KLK6: variants seen among roughly 807,000 people sequenced by gnomAD.
KLK6 encodes the protein kallikrein related peptidase 6, also known as kallikrein-6.
Under a neutral mutation model 21.7 loss-of-function variants are expected in KLK6, and 16 were observed. The observed-to-expected ratio is 0.74, with a 90% CI of 0.50 to 1.12. The LOEUF (loss-of-function observed/expected upper bound fraction) is 1.12. Among genes scored for constraint, KLK6 ranks in the 50% most tolerant of loss-of-function variants. KLK6 has a pLI of 0.00. For missense variants in KLK6, 276 were observed against 304.6 expected, an observed-to-expected ratio of 0.91 and a Z score of 0.70; for synonymous variants, 116 against 120.1, an observed-to-expected ratio of 0.97 and a Z score of 0.22.
In KLK6 at chr19:50,959,075, G is replaced by A; in HGVS notation, c.*89C>T. On this transcript the variant is annotated 3_prime_UTR_variant, in exon 7 of 7. Transcript: ENST00000310157. ...AAGCATCAGGGTCAGAGCTGGGCAGGAGAGGAGGGGAGGCAAGGTCTAGGT... is the reference window on the plus strand; with the variant it reads ...AAGCATCAGGGTCAGAGCTGGGCAGAAGAGGAGGGGAGGCAAGGTCTAGGT... 1 of 1,411,404 alleles carries A rather than the reference G, an allele frequency of 7.1e-7. No individual in the cohort carries two copies. Among genetic ancestry groups the A allele is most frequent in the East Asian group, 2.3e-5 (1 of 43,832 alleles). 87.4% of individuals were successfully genotyped at this position (1,411,404 alleles called of 1,614,324 possible).
Position 50,963,301 on chromosome 19 carries a change from C to T in KLK6, c.445+1G>A. On this transcript the variant is annotated splice_donor_variant, in intron 5 of 6. Transcript: ENST00000310157. LOFTEE classifies it high-confidence loss of function. ...CTCCCCACCAGCCTCCCACTACTGA[C>T]CATCTGCTGTCTTGCCCCAGCCCAG... 1 of 1,612,100 alleles carries T rather than the reference C, an allele frequency of 6.2e-7. No homozygotes were observed. Among genetic ancestry groups the T allele is most frequent in the Non-Finnish European group, 8.5e-7 (1 of 1,178,410 alleles).
chr19:50,964,504 G>A (rs2090895592), intron 4 of KLK6, among the ~76,000 whole-genome samples: 3 of 152,184 alleles, frequency 2.0e-5, no homozygotes, highest in African/African-American at 7.2e-5. Flanking sequence ...GGAACCACAA[G>A]CTACAGGTGG....
intron 2 of KLK6, 135 bp from the exon 3 acceptor site, chr19:50,968,247 T>G: frequency 1.3e-6 from 1 of 779,788 alleles, no homozygotes; most frequent in Non-Finnish European, 2.3e-6. Context: ...CCTTCCCATC[T>G]AGCCTCCTGA....
chr19:50,963,039 A>G (rs2090867196), intron 5 of KLK6, among the ~76,000 whole-genome samples: 1 of 151,694 alleles, frequency 6.6e-6, no homozygotes, highest in Non-Finnish European at 1.5e-5. Context: ...TTCCCTCTTT[A>G]TTGAACCTTC....
At chr19:50,963,662 G>C in intron 4 of KLK6, 113 bp from the exon 5 acceptor site, 3 of 1,277,806 alleles carry the variant, frequency 2.3e-6, no homozygotes, top group Non-Finnish European at 3.3e-6. Flanking sequence ...GTCTTCCCCA[G>C]CTGGGTAAAT....
chr19:50,960,280 C>G (rs2090821066), intron 6 of KLK6, among the ~76,000 whole-genome samples: 1 of 152,018 alleles, frequency 6.6e-6, no homozygotes, highest in Non-Finnish European at 1.5e-5. Flanking sequence ...CCTGCCCTTT[C>G]TTTGCGTCCA....
At chr19:50,966,276 G>A (rs1275431495) in intron 4 of KLK6, among the ~76,000 whole-genome samples, 4 of 152,200 alleles carry the variant, frequency 2.6e-5, no homozygotes, top group Admixed American at 2.6e-4. Flanking sequence ...ATACACGGAA[G>A]CCAGCCGTGC....
chr19:50,968,442 T>G (rs1263800803), intron 2 of KLK6, 99 bp downstream of exon 2: 3 of 397,352 alleles, frequency 7.5e-6, no homozygotes, highest in Non-Finnish European at 1.4e-5. Context: ...GGCCCTAGCG[T>G]TCTTCCTCTG....
Position 50,967,281 on chromosome 19 carries a change from C to A in KLK6, c.85G>T (p.Asp29Tyr). 1 of 1,613,802 alleles carries A rather than the reference C, an allele frequency of 6.2e-7. No homozygotes were observed. Among genetic ancestry groups the A allele is most frequent in the Non-Finnish European group, 8.5e-7 (1 of 1,179,868 alleles). The change falls in exon 4 of 7, where the codon GAC (aspartate) becomes TAC (tyrosine). Residue 29 changes from aspartate to tyrosine, a missense_variant. Asp to Tyr is a radical substitution (Grantham distance 160). Coordinates refer to ENST00000310157, the MANE Select transcript of KLK6 (RefSeq NM_002774.4). ...GCTTGGTAGGGGTGAGATGTCTTGT[C>A]GCAGGGTCCGCCATGCACCAACTTA... ...QNKLVHGGPC[D>Y]KTSHPYQAAL...
At chr19:50,962,120 C>T (rs905354639) in intron 5 of KLK6, 1 of 450,260 alleles carries the variant, frequency 2.2e-6, no homozygotes, top group African/African-American at 2.0e-5. Context: ...ATAGTCTCTT[C>T]TCCAGGAGTC....
intron 6 of KLK6, among the ~76,000 whole-genome samples, chr19:50,961,130 C>T (rs545729408): frequency 7.4e-5 from 1 of 13,522 alleles, no homozygotes. Flanking sequence ...GAACTCCTGA[C>T]CCCAGGTGAT....
At chr19:50,959,386 T>C in intron 6 of KLK6, 70 bp from the exon 7 acceptor site, 1 of 1,105,378 alleles carries the variant, frequency 9.0e-7, no homozygotes. Context: ...TGTGTGTGTG[T>C]GTGTGTGTGT....
At chr19:50,968,191 T>C in intron 2 of KLK6, 79 bp from the exon 3 acceptor site, 1 of 1,279,216 alleles carries the variant, frequency 7.8e-7, no homozygotes, top group Non-Finnish European at 1.1e-6. Context: ...CTCTGCATCC[T>C]CTCCTTCCTT....
chr19:50,963,260 A>G (rs1654537), intron 5 of KLK6, 42 bp downstream of exon 5: 545,930 of 1,585,262 alleles, frequency 0.34, 95,729 homozygotes, highest in Admixed American at 0.43. Flanking sequence ...CACTTCCCCA[A>G]GTAGCCAGTA....
Position 50,958,961 on chromosome 19 carries a change from C to A in KLK6, c.*203G>T, listed in dbSNP as rs1450759845. The stretch of plus-strand genomic sequence containing the variant: ...TGGGGGTAAGACCGAGGACCCAAGT[C>A]CTCACTCATCACGTCCTCCCCAGTG... On this transcript the variant is annotated 3_prime_UTR_variant, in exon 7 of 7. Coordinates refer to ENST00000310157, the MANE Select transcript of KLK6 (RefSeq NM_002774.4). The A allele has an allele frequency of 4.9e-6, 3 of 613,350 alleles. No homozygotes were observed. In the Admixed American group the frequency reaches 8.9e-5, roughly 18 times the overall value. 38.0% of individuals were successfully genotyped at this position (613,350 alleles called of 1,614,324 possible).
intron 5 of KLK6, among the ~76,000 whole-genome samples, chr19:50,962,969 A>C (rs1237473576): frequency 6.6e-6 from 1 of 151,968 alleles, no homozygotes; most frequent in Non-Finnish European, 1.5e-5. Context: ...TGTTCAATGA[A>C]TCCTGATCAG....
intron 4 of KLK6, among the ~76,000 whole-genome samples, chr19:50,965,669 A>T (rs1039615658): frequency 2.0e-5 from 3 of 152,186 alleles, no homozygotes; most frequent in African/African-American, 7.2e-5. Context: ...TCCACTGCCC[A>T]ACTCGAATGT....
Position 50,967,240 on chromosome 19 carries a change from C to G in KLK6, c.126G>C (p.Ser42=). The G allele has an allele frequency of 6.2e-7, 1 of 1,614,084 alleles. No homozygotes were observed. The highest frequency in any genetic ancestry group is 8.5e-7 in the Non-Finnish European group (1 of 1,179,990). ...SHPYQAALYT[S]GHLLCGGVLI... is the part of the protein sequence containing the mutation. ...GGACCCCACCACAGAGCAAGTGGCC[C>G]GAGGTGTAGAGGGCAGCTTGGTAGG... The change falls in exon 4 of 7, where the codon TCG becomes TCC. Residue 42 remains serine (S), a synonymous_variant. Coordinates refer to ENST00000310157, the MANE Select transcript of KLK6 (RefSeq NM_002774.4).
At chr19:50,962,333 G>C (rs2090855923) in intron 5 of KLK6, 2 of 156,912 alleles carry the variant, frequency 1.3e-5, no homozygotes, top group African/African-American at 2.4e-5. Context: ...TGGTCACTCT[G>C]TGACCATTGG....
Sources: gnomAD v4.1 joint callset for allele counts (sites outside exome capture counted in the v4.1 genomes callset) on GRCh38, gnomAD v4.1.1 for gene constraint, MANE v1.5 for transcripts, NCBI Gene and HGNC (gene_info 2026-07-23, HGNC 2026-07-21) for gene names.